Variants in AR observed in about 807,000 individuals in gnomAD.
AR encodes the protein androgen receptor.
Under a neutral mutation model 53.9 loss-of-function variants are expected in AR, and 8 were observed. The ratio of observed to expected loss-of-function variants is 0.15; its 90% CI spans 0.09 to 0.27. AR has a LOEUF of 0.27. Among genes scored for constraint, AR ranks in the 10% least tolerant of loss-of-function variants. The probability of loss-of-function intolerance (pLI) is 1.00; values close to 1 mark genes in which losing one functional copy is unlikely to be tolerated. For missense variants in AR, 639 were observed against 742.5 expected (o/e 0.86, Z 1.62); for synonymous variants, 359 against 316.4 (o/e 1.13, Z -1.43).
At chrX:67,571,285 T>G (rs187347164) in intron 1 of AR, among the ~76,000 whole-genome samples, 102 of 112,146 alleles carry the variant, frequency 9.1e-4, no homozygotes, top group African/African-American at 2.7e-3. Context: ...TAAGTGTCAC[T>G]GCAAACATCA....
chrX:67,670,639 G>T (rs1332523080), intron 2 of AR, among the ~76,000 whole-genome samples: 1 of 109,395 alleles, frequency 9.1e-6, no homozygotes, highest in African/African-American at 3.3e-5. Context: ...GGATACATGT[G>T]CAGAACGTGC....
chrX:67,720,451 G>T (rs2076131027), intron 5 of AR, among the ~76,000 whole-genome samples: 1 of 111,647 alleles, frequency 9.0e-6, no homozygotes, highest in Non-Finnish European at 1.9e-5. Context: ...TTGCAGCATT[G>T]TCATCAACAG....
At chrX:67,711,074 TTAGTAAA>T (rs1183106346) in intron 3 of AR, among the ~76,000 whole-genome samples, 1 of 112,005 alleles carries the variant, frequency 8.9e-6, no homozygotes, top group East Asian at 2.8e-4. Context: ...CATTAATATA[TTAGTAAA>T]TACGTTAATT....
chrX:67,658,537 A>G (rs745332349), intron 2 of AR, among the ~76,000 whole-genome samples: 7 of 111,676 alleles, frequency 6.3e-5, no homozygotes, highest in Non-Finnish European at 9.4e-5. Flanking sequence ...ATAGCGTACT[A>G]CACCCTCAAA....
At chrX:67,695,234 T>C in intron 3 of AR, 2 of 754,012 alleles carry the variant, frequency 2.7e-6, no homozygotes, top group Non-Finnish European at 3.1e-6. Context: ...AATTCGTATT[T>C]CCCCCTTAGG....
intron 5 of AR, among the ~76,000 whole-genome samples, chrX:67,720,596 C>T (rs1411189620): frequency 1.8e-5 from 2 of 111,479 alleles, no homozygotes; most frequent in African/African-American, 6.5e-5. Flanking sequence ...CATCTAAACA[C>T]TTCCTCTTTC....
chrX:67,665,293 G>A (rs1192914054), intron 2 of AR, among the ~76,000 whole-genome samples: 1 of 112,603 alleles, frequency 8.9e-6, no homozygotes, highest in African/African-American at 3.2e-5. Flanking sequence ...ACCACCCACT[G>A]TTCTTTCTCA....
chrX:67,646,669 G>T lies in AR; in HGVS notation c.1768+3262G>T, dbSNP rs746079584. On this transcript the variant is annotated intron_variant, in intron 2 of 7. Transcript: ENST00000374690. ...GTAAGGGCTCAGAGAGGTTTTAGTTGTGTAGACTTGGATAAGAAATTTTCC... is the reference window on the plus strand; with the variant it reads ...GTAAGGGCTCAGAGAGGTTTTAGTTTTGTAGACTTGGATAAGAAATTTTCC... 2.7e-5 allele frequency among the ~76,000 whole-genome samples: 3 copies of T among 110,991 alleles called. 1 individual carries two copies. Among genetic ancestry groups the T allele is most frequent in the African/African-American group, 9.8e-5 (3 of 30,608 alleles).
At chrX:67,675,280 GCACTCTCT>G (rs2075892994) in intron 2 of AR, among the ~76,000 whole-genome samples, 1 of 109,373 alleles carries the variant, frequency 9.1e-6, no homozygotes, top group Non-Finnish European at 1.9e-5. Context: ...GGTGGCACAA[GCACTCTCT>G]TGGTCACCCC....
At chrX:67,579,334 A>C (rs1449609540) in intron 1 of AR, among the ~76,000 whole-genome samples, 1 of 111,608 alleles carries the variant, frequency 9.0e-6, no homozygotes, top group Non-Finnish European at 1.9e-5. Context: ...GGACACTGAA[A>C]TCTGTGGAAA....
intron 3 of AR, among the ~76,000 whole-genome samples, chrX:67,686,333 C>T (rs1035981939): frequency 2.6e-4 from 29 of 111,249 alleles, no homozygotes; most frequent in African/African-American, 9.1e-4. Context: ...ATCCCCATTC[C>T]GGGGCTCAGC....
intron 1 of AR, among the ~76,000 whole-genome samples, chrX:67,624,342 A>C (rs1168446878): frequency 8.9e-6 from 1 of 112,190 alleles, no homozygotes; most frequent in Non-Finnish European, 1.9e-5. Flanking sequence ...AGAAAATCTG[A>C]GTAGTCCTGT....
At chrX:67,561,017 A>G (rs193058606) in intron 1 of AR, among the ~76,000 whole-genome samples, 14 of 112,192 alleles carry the variant, frequency 1.2e-4, no homozygotes, top group Admixed American at 7.6e-4. Context: ...AAGAGTGCAT[A>G]AGACCTTTTG....
At chrX:67,548,503 T>C (rs1041280598) in intron 1 of AR, among the ~76,000 whole-genome samples, 18 of 111,323 alleles carry the variant, frequency 1.6e-4, no homozygotes, top group African/African-American at 5.6e-4. Context: ...GCCCCTCTTC[T>C]ACTGTAAACT....
At chrX:67,585,530 G>T in intron 1 of AR, among the ~76,000 whole-genome samples, 1 of 111,965 alleles carries the variant, frequency 8.9e-6, no homozygotes, top group African/African-American at 3.2e-5. Flanking sequence ...TCTGTTCATT[G>T]CCCATGTAAA....
intron 2 of AR, among the ~76,000 whole-genome samples, chrX:67,653,164 G>A (rs940450664): frequency 1.8e-5 from 2 of 111,953 alleles, no homozygotes; most frequent in African/African-American, 6.5e-5. Context: ...AGCTAAAATT[G>A]TTTATTGAGC....
At chrX:67,598,762 C>G (rs1459785874) in intron 1 of AR, among the ~76,000 whole-genome samples, 1 of 108,143 alleles carries the variant, frequency 9.2e-6, no homozygotes, top group Admixed American at 9.8e-5. Flanking sequence ...TATCCCCACT[C>G]TCACCTCAAT....
chrX:67,657,904 T>C (rs766655654), intron 2 of AR, among the ~76,000 whole-genome samples: 4 of 111,808 alleles, frequency 3.6e-5, no homozygotes, highest in African/African-American at 9.7e-5. Flanking sequence ...ATTTCCACCA[T>C]TGGAAATTCA....
At chrX:67,653,700 G>C (rs1033546092) in intron 2 of AR, among the ~76,000 whole-genome samples, 30 of 111,027 alleles carry the variant, frequency 2.7e-4, no homozygotes, top group African/African-American at 9.5e-4. Flanking sequence ...GCCCTAGGCT[G>C]GTGTCTGGGA....
Sources: allele counts gnomAD v4.1 joint callset (sites outside exome capture counted in the v4.1 genomes callset), GRCh38; gene constraint gnomAD v4.1.1; transcripts MANE v1.5; gene names NCBI Gene and HGNC (gene_info 2026-07-23, HGNC 2026-07-21).